Variants in REDIC1 observed in about 807,000 individuals in gnomAD.
The protein encoded by REDIC1 is regulator of DNA class I crossover intermediates 1, also known as HEI10 Interacting Protein 1.
the REDIC1 span, among the ~76,000 whole-genome samples, chr12:39,826,012 G>T: frequency 6.6e-6 from 1 of 151,972 alleles, no homozygotes; most frequent in Non-Finnish European, 1.5e-5. Flanking sequence ...CTGTTGTTTT[G>T]TAGTTTTATT....
At chr12:39,891,819 C>G in the REDIC1 span, among the ~76,000 whole-genome samples, 2 of 152,168 alleles carry the variant, frequency 1.3e-5, no homozygotes, top group Non-Finnish European at 2.9e-5. Flanking sequence ...CAGTCTTTTC[C>G]AGGCATTCAG....
At chr12:39,790,325 G>A in the REDIC1 span, among the ~76,000 whole-genome samples, 4 of 147,586 alleles carry the variant, frequency 2.7e-5, no homozygotes, top group East Asian at 2.0e-4. Context: ...ACCCACTAAC[G>A]CGTCATCTAG....
the REDIC1 span, among the ~76,000 whole-genome samples, chr12:39,767,604 G>A: frequency 6.6e-6 from 1 of 152,146 alleles, no homozygotes; most frequent in East Asian, 1.9e-4. Flanking sequence ...TCCAACAGAA[G>A]GCAGTTTCAT....
the REDIC1 span, among the ~76,000 whole-genome samples, chr12:39,752,155 C>T: frequency 2.0e-5 from 3 of 152,122 alleles, no homozygotes; most frequent in Non-Finnish European, 4.4e-5. Flanking sequence ...TATCTTCTAG[C>T]GTGGAATCCT....
At chr12:39,711,676 T>G in the REDIC1 span, among the ~76,000 whole-genome samples, 4 of 134,206 alleles carry the variant, frequency 3.0e-5, no homozygotes, top group Non-Finnish European at 6.6e-5. Context: ...CACATGTATG[T>G]GTGTATGCAC....
At chr12:39,785,997 G>A in the REDIC1 span, among the ~76,000 whole-genome samples, 8 of 152,164 alleles carry the variant, frequency 5.3e-5, no homozygotes, top group South Asian at 2.1e-4. Flanking sequence ...GACTTGCCTC[G>A]TCTCAGATGA....
the REDIC1 span, among the ~76,000 whole-genome samples, chr12:39,630,070 T>C: frequency 2.6e-5 from 4 of 152,188 alleles, no homozygotes; most frequent in African/African-American, 4.8e-5. Context: ...ACGGAGACCC[T>C]GTATTTTTCT....
At chr12:39,829,939 T>C in the REDIC1 span, 3 of 873,936 alleles carry the variant, frequency 3.4e-6, no homozygotes, top group Non-Finnish European at 5.3e-6. Context: ...AAACACACAA[T>C]TGCAATGCTT....
chr12:39,626,190 G>A, the REDIC1 span: 4 of 769,634 alleles, frequency 5.2e-6, no homozygotes, highest in Non-Finnish European at 8.6e-6. Flanking sequence ...GGGAGGTTGG[G>A]CCTCAGGCGG....
chr12:39,718,480 G>A, the REDIC1 span, among the ~76,000 whole-genome samples: 1 of 152,062 alleles, frequency 6.6e-6, no homozygotes, highest in African/African-American at 2.4e-5. Flanking sequence ...CTTTCTTATT[G>A]TATTACCAAG....
At chr12:39,899,659 C>G in the REDIC1 span, among the ~76,000 whole-genome samples, 1 of 151,760 alleles carries the variant, frequency 6.6e-6, no homozygotes, top group South Asian at 2.1e-4. Context: ...TGAATGTGTC[C>G]CAGAGATTCT....
the REDIC1 span, among the ~76,000 whole-genome samples, chr12:39,778,759 G>A: frequency 6.6e-6 from 1 of 152,076 alleles, no homozygotes; most frequent in African/African-American, 2.4e-5. Context: ...CATCCTTTGA[G>A]ATACCAAAAC....
At chr12:39,816,023 C>T in the REDIC1 span, among the ~76,000 whole-genome samples, 1 of 152,188 alleles carries the variant, frequency 6.6e-6, no homozygotes, top group South Asian at 2.1e-4. Flanking sequence ...ATTCTCTAGA[C>T]TTACAGTGTC....
At chr12:39,875,729 T>C in the REDIC1 span, among the ~76,000 whole-genome samples, 21 of 152,228 alleles carry the variant, frequency 1.4e-4, no homozygotes, top group Non-Finnish European at 2.1e-4. Flanking sequence ...GTCAGAACTA[T>C]TCACAAACTT....
At chr12:39,818,380 T>C in the REDIC1 span, among the ~76,000 whole-genome samples, 2 of 152,186 alleles carry the variant, frequency 1.3e-5, no homozygotes, top group African/African-American at 4.8e-5. Context: ...TGAGAATTAC[T>C]TGCAAAAATG....
the REDIC1 span, among the ~76,000 whole-genome samples, chr12:39,644,794 A>G: frequency 6.6e-6 from 1 of 151,936 alleles, no homozygotes; most frequent in Admixed American, 6.6e-5. Context: ...TGCTAGGTTT[A>G]TGGCTAAACC....
the REDIC1 span, among the ~76,000 whole-genome samples, chr12:39,896,573 T>C: frequency 4.4e-5 from 5 of 114,898 alleles, no homozygotes; most frequent in Admixed American, 1.7e-4. Flanking sequence ...TATATGTATG[T>C]ATGTGTGTAT....
chr12:39,690,639 G>A, the REDIC1 span, among the ~76,000 whole-genome samples: 3 of 151,976 alleles, frequency 2.0e-5, no homozygotes, highest in East Asian at 5.8e-4. Flanking sequence ...ATCAATATAG[G>A]TTATAAGCAA....
the REDIC1 span, among the ~76,000 whole-genome samples, chr12:39,782,309 A>G: frequency 0.98 from 148,608 of 152,196 alleles, 72,560 homozygotes; most frequent in East Asian, 1. Context: ...CGTGTTGTGG[A>G]AGGTACCCAG....
Sources: gnomAD v4.1 joint callset for allele counts (sites outside exome capture counted in the v4.1 genomes callset) on GRCh38, gnomAD v4.1.1 for gene constraint, MANE v1.5 for transcripts, NCBI Gene and HGNC (gene_info 2026-07-23, HGNC 2026-07-21) for gene names.